Variants in LIMA1 observed in about 807,000 individuals in gnomAD.
LIMA1 encodes the protein LIM domain and actin-binding protein 1.
Under a neutral mutation model 62.6 loss-of-function variants are expected in LIMA1, and 52 were observed. The observed-to-expected ratio is 0.83, with a 90% CI of 0.67 to 1.05. The LOEUF is 1.05. Among genes scored for constraint, LIMA1 ranks in the 50% least tolerant of loss-of-function variants. LIMA1 has a pLI of 0.00. For missense variants in LIMA1, 780 were observed against 902.2 expected (o/e 0.86, Z 1.74); for synonymous variants, 302 against 317.8 (o/e 0.95, Z 0.53).
chr12:50,210,428 A>AAAAAAAG (rs1555206225), intron 4 of LIMA1, among the ~76,000 whole-genome samples: 209 of 150,716 alleles, frequency 1.4e-3, no homozygotes, highest in African/African-American at 5.0e-3. Flanking sequence ...CAAAAAAAAA[A>AAAAAAAG]AAAAAAAGAA....
chr12:50,218,779 C>A (rs1450130332), intron 4 of LIMA1, among the ~76,000 whole-genome samples: 1 of 151,900 alleles, frequency 6.6e-6, no homozygotes, highest in Non-Finnish European at 1.5e-5. Flanking sequence ...TGGTGGTACA[C>A]ACCTGTGGCC....
intron 2 of LIMA1, among the ~76,000 whole-genome samples, chr12:50,247,702 C>A (rs1488014179): frequency 6.6e-6 from 1 of 151,804 alleles, no homozygotes; most frequent in Non-Finnish European, 1.5e-5. Flanking sequence ...CAGCTTACTG[C>A]AACCTCCGCC....
At chr12:50,251,164 T>G (rs532094922) in intron 1 of LIMA1, among the ~76,000 whole-genome samples, 11 of 152,240 alleles carry the variant, frequency 7.2e-5, no homozygotes, top group African/African-American at 2.4e-4. Context: ...TATAAAACTA[T>G]CATAGTTTTT....
intron 1 of LIMA1, among the ~76,000 whole-genome samples, chr12:50,259,138 T>C (rs576113382): frequency 6.6e-6 from 1 of 152,226 alleles, no homozygotes; most frequent in Admixed American, 6.5e-5. Flanking sequence ...AACCAGCTTC[T>C]CCTCCCATGA....
At chr12:50,270,156 A>C (rs1401806405) in intron 1 of LIMA1, among the ~76,000 whole-genome samples, 1 of 143,962 alleles carries the variant, frequency 6.9e-6, no homozygotes, top group Non-Finnish European at 1.5e-5. Flanking sequence ...AATCTCTTGA[A>C]CCCGGGTGGC....
Position 50,246,924 on chromosome 12 carries a change from A to G in LIMA1, c.119+1709T>C, listed in dbSNP as rs529308519. ...ATTACCTGGGATACTTGTTAAAAAC[A>G]TAATTTCCTGGACTCTATCCACACA... On this transcript the variant is annotated intron_variant, in intron 2 of 10. Transcript: ENST00000341247. Among the ~76,000 whole-genome samples, 4 of 152,322 alleles carry G rather than the reference A, an allele frequency of 2.6e-5. No individual in the cohort carries two copies. The South Asian group carries it at 6.2e-4, about 24-fold the overall frequency.
Position 50,204,552 on chromosome 12 carries a change from T to C in LIMA1, c.864A>G (p.Thr288=), listed in dbSNP as rs1167769338. The C allele has an allele frequency of 6.2e-7, 1 of 1,613,774 alleles. No individual in the cohort carries two copies. Among genetic ancestry groups the C allele is most frequent in the Admixed American group, 1.7e-5 (1 of 59,938 alleles). ...VSKQSSSTNY[T]NELKASGGEI... ...TGAATGAATGATGCAGAACACATAC[T>C]GTATAGTTGGTTGAGCTGCTTTGTT... The change falls in exon 6 of 11, where the codon ACA becomes ACG. Residue 288 remains threonine, a splice_region_variant and synonymous_variant. Transcript: ENST00000341247.
intron 1 of LIMA1, among the ~76,000 whole-genome samples, chr12:50,254,675 G>A (rs1017019282): frequency 1.3e-5 from 2 of 152,138 alleles, no homozygotes; most frequent in Admixed American, 1.3e-4. Flanking sequence ...TGTTGCTTAC[G>A]GTGAGGCCGG....
At chr12:50,209,215 A>C (rs1384869669) in intron 4 of LIMA1, among the ~76,000 whole-genome samples, 1 of 152,026 alleles carries the variant, frequency 6.6e-6, no homozygotes, top group African/African-American at 2.4e-5. Flanking sequence ...TTCATGAATT[A>C]TTATACATCC....
At chr12:50,214,730 C>T (rs1375100586) in intron 4 of LIMA1, among the ~76,000 whole-genome samples, 1 of 152,178 alleles carries the variant, frequency 6.6e-6, no homozygotes, top group African/African-American at 2.4e-5. Context: ...CACTTGAACC[C>T]GGGAGGTGGA....
At chr12:50,204,727 AT>A in intron 5 of LIMA1, 27 bp from the exon 6 acceptor site, 2 of 1,611,722 alleles carry the variant, frequency 1.2e-6, no homozygotes, top group Non-Finnish European at 1.7e-6. Flanking sequence ...AACATGTTTT[AT>A]TTTATTTCTG....
chr12:50,228,697 A>G (rs1010310906), intron 3 of LIMA1, among the ~76,000 whole-genome samples: 1 of 152,190 alleles, frequency 6.6e-6, no homozygotes, highest in Non-Finnish European at 1.5e-5. Context: ...AGATTTTTAT[A>G]TAGTATCCAA....
chr12:50,219,431 G>A (rs996685287), intron 4 of LIMA1, among the ~76,000 whole-genome samples: 9 of 152,126 alleles, frequency 5.9e-5, no homozygotes, highest in African/African-American at 1.4e-4. Context: ...GTTGCAGTGA[G>A]CCGAGATCGC....
intron 4 of LIMA1, among the ~76,000 whole-genome samples, chr12:50,215,367 G>C (rs1941324989): frequency 6.6e-6 from 1 of 152,168 alleles, no homozygotes; most frequent in South Asian, 2.1e-4. Flanking sequence ...AGTCTACGGG[G>C]AGAGGTCACA....
intron 9 of LIMA1, among the ~76,000 whole-genome samples, chr12:50,183,240 G>A (rs1940547038): frequency 6.6e-6 from 1 of 152,052 alleles, no homozygotes; most frequent in Admixed American, 6.6e-5. Context: ...GGCTACTAAG[G>A]GGTGGGGAGT....
At chr12:50,193,580 TAC>T (rs35171909) in intron 8 of LIMA1, among the ~76,000 whole-genome samples, 6 of 125,644 alleles carry the variant, frequency 4.8e-5, no homozygotes, top group Non-Finnish European at 9.9e-5. Flanking sequence ...GATATATATA[TAC>T]ATGTATATAT....
chr12:50,234,175 A>G (rs1280609566), intron 2 of LIMA1: 1 of 437,316 alleles, frequency 2.3e-6, no homozygotes, highest in Non-Finnish European at 4.6e-6. Flanking sequence ...TTGTGCAGGT[A>G]CAAGCTGCAC....
At position 50,195,856 on chromosome 12, in the gene LIMA1, C is replaced by T. The variant is rs775072104; in HGVS notation, c.1004G>A (p.Arg335His). ...ISANENSLAVRSTPAEDDSRD... is the reference protein window; with the variant it reads ...ISANENSLAVHSTPAEDDSRD... ...GGAGTCATCTTCGGCAGGGGTGGAA[C>T]GGACTGCCAGGCTATTCTCATTTGC... The change falls in exon 8 of 11, where the codon CGT (arginine) becomes CAT (histidine). Residue 335 changes from arginine to histidine, a missense_variant. Transcript: ENST00000341247. 44 of 1,552,392 alleles carry T rather than the reference C, an allele frequency of 2.8e-5. No individual in the cohort carries two copies. In the Admixed American group the frequency reaches 3.3e-4, roughly 12 times the overall value.
At chr12:50,212,260 A>C (rs1292579291) in intron 4 of LIMA1, among the ~76,000 whole-genome samples, 1 of 152,012 alleles carries the variant, frequency 6.6e-6, no homozygotes, top group Non-Finnish European at 1.5e-5. Context: ...ATTTACTGAG[A>C]GTCCCCTGCC....
Sources: allele counts gnomAD v4.1 joint callset (sites outside exome capture counted in the v4.1 genomes callset), GRCh38; gene constraint gnomAD v4.1.1; transcripts MANE v1.5; gene names NCBI Gene and HGNC (gene_info 2026-07-23, HGNC 2026-07-21).